The following PACC1 variants were observed in gnomAD, a reference collection of about 807,000 sequenced individuals.
The protein encoded by PACC1 is proton activated chloride channel 1.
A neutral mutation model predicts 39.7 loss-of-function variants in PACC1; 34 were observed. The ratio of observed to expected loss-of-function variants is 0.86; its 90% CI spans 0.65 to 1.14. PACC1 has a LOEUF of 1.14. Among genes scored for constraint, PACC1 ranks in the 50% most tolerant of loss-of-function variants. The pLI, the probability that PACC1 is intolerant of heterozygous loss-of-function variation, is 0.00. For synonymous variants in PACC1, 127 were observed against 160.6 expected (o/e 0.79, Z 1.58); for missense variants, 379 against 436.4 (o/e 0.87, Z 1.17).
intron 2 of PACC1, among the ~76,000 whole-genome samples, chr1:212,406,446 G>A (rs1331765187): frequency 6.6e-6 from 1 of 152,162 alleles, no homozygotes; most frequent in Non-Finnish European, 1.5e-5. Flanking sequence ...AACTCAGGAG[G>A]TGGTGGTTGC....
chr1:212,410,638 CAT>C (rs949917098), intron 1 of PACC1, 117 bp from the exon 2 acceptor site: 3 of 912,074 alleles, frequency 3.3e-6, no homozygotes, highest in African/African-American at 1.6e-5. Flanking sequence ...AACCACATGA[CAT>C]AGAGTGTGTT....
intron 2 of PACC1, among the ~76,000 whole-genome samples, chr1:212,399,134 T>C (rs980369187): frequency 2.6e-5 from 4 of 152,362 alleles, no homozygotes; most frequent in Admixed American, 2.6e-4. Flanking sequence ...AGTACCAGCT[T>C]ACTACATTCT....
At position 212,386,940 on chromosome 1, in the gene PACC1, G is replaced by A; in HGVS notation, c.294C>T (p.His98=). 6.2e-7 allele frequency: 1 copy of A among 1,614,202 alleles called. No individual in the cohort carries two copies. Among genetic ancestry groups the A allele is most frequent in the African/African-American group, 1.3e-5 (1 of 75,042 alleles). ...CCTTGTAAGACACAGACATGACAGG[G>A]TGCTTGAGTTTCTCACGAAAGTCTG... is the stretch of plus-strand genomic sequence containing the variant. The part of the protein sequence containing the change: ...TITDFREKLK[H]PVMSVSYKEV... Residue 98 remains histidine (H), a synonymous_variant, in exon 3 of 8, where the codon CAC becomes CAT. Transcript: ENST00000261455. This position sits in a 1 kb window ranked among gnomAD's most constrained non-coding sequence, Gnocchi z 5.0.
chr1:212,396,621 G>GA (rs1224799469), intron 2 of PACC1, among the ~76,000 whole-genome samples: 30 of 116,538 alleles, frequency 2.6e-4, no homozygotes, highest in East Asian at 1.7e-3. Context: ...AAAGAAATCT[G>GA]AAAAAAAAAT....
chr1:212,411,205 G>A (rs1024419426), intron 1 of PACC1, among the ~76,000 whole-genome samples: 5 of 152,196 alleles, frequency 3.3e-5, no homozygotes, highest in Non-Finnish European at 7.3e-5. Context: ...GATATGGCAG[G>A]AGTAAAATCC....
At chr1:212,404,547 C>T (rs1661836834) in intron 2 of PACC1, among the ~76,000 whole-genome samples, 4 of 151,944 alleles carry the variant, frequency 2.6e-5, no homozygotes, top group Admixed American at 2.6e-4. Context: ...CCAACCATAC[C>T]ATGCTATTCA....
chr1:212,398,402 T>C (rs1661597004), intron 2 of PACC1, among the ~76,000 whole-genome samples: 1 of 152,258 alleles, frequency 6.6e-6, no homozygotes, highest in African/African-American at 2.4e-5. Context: ...TGTAAAACTA[T>C]AAACCAGTGA....
intron 7 of PACC1, among the ~76,000 whole-genome samples, chr1:212,374,455 G>T (rs2102475137): frequency 6.6e-6 from 1 of 152,002 alleles, no homozygotes; most frequent in Admixed American, 6.6e-5. Context: ...TTGGTTAATG[G>T]GTACAAAAAT....
At chr1:212,406,876 C>T (rs532740822) in intron 2 of PACC1, among the ~76,000 whole-genome samples, 111 of 152,322 alleles carry the variant, frequency 7.3e-4, no homozygotes, top group African/African-American at 2.6e-3. Flanking sequence ...GGGCACTTCT[C>T]TATGAAAGGA....
intron 2 of PACC1, among the ~76,000 whole-genome samples, chr1:212,389,087 G>A (rs1166869154): frequency 1.3e-5 from 2 of 152,212 alleles, no homozygotes; most frequent in Non-Finnish European, 2.9e-5. Context: ...TGAAAGAGAG[G>A]CTACCCTTGA....
At chr1:212,408,934 G>A (rs530767764) in intron 2 of PACC1, among the ~76,000 whole-genome samples, 1 of 152,334 alleles carries the variant, frequency 6.6e-6, no homozygotes, top group Admixed American at 6.5e-5. Flanking sequence ...TAGGAACTGG[G>A]CCAATACAGT....
At chr1:212,366,850 G>C (rs1213421034) in intron 7 of PACC1, among the ~76,000 whole-genome samples, 1 of 152,164 alleles carries the variant, frequency 6.6e-6, no homozygotes, top group Non-Finnish European at 1.5e-5. Context: ...ATAATTAATA[G>C]TGGTAGTGGG....
At chr1:212,367,908 T>C (rs1321918397) in intron 7 of PACC1, among the ~76,000 whole-genome samples, 1 of 152,122 alleles carries the variant, frequency 6.6e-6, no homozygotes, top group Non-Finnish European at 1.5e-5. Flanking sequence ...ACTGGCTGAC[T>C]AAAGTGGCCT....
chr1:212,404,936 GT>G (rs986419657), intron 2 of PACC1, among the ~76,000 whole-genome samples: 1 of 151,850 alleles, frequency 6.6e-6, no homozygotes, highest in Non-Finnish European at 1.5e-5. Context: ...GCCCCGGCTA[GT>G]TTTTTTGGTA....
At chr1:212,404,429 C>G (rs927411542) in intron 2 of PACC1, among the ~76,000 whole-genome samples, 18 of 151,720 alleles carry the variant, frequency 1.2e-4, no homozygotes, top group African/African-American at 4.4e-4. Flanking sequence ...ATACTCCCTG[C>G]TCCCTACTAG....
chr1:212,381,687 C>T (rs1003431425), intron 4 of PACC1, among the ~76,000 whole-genome samples: 1 of 91,668 alleles, frequency 1.1e-5, no homozygotes, highest in Non-Finnish European at 2.6e-5. Context: ...GACACACACA[C>T]ACACACTGCA....
intron 2 of PACC1, among the ~76,000 whole-genome samples, chr1:212,406,622 C>T (rs1661928981): frequency 6.6e-6 from 1 of 152,192 alleles, no homozygotes; most frequent in Non-Finnish European, 1.5e-5. Context: ...CTCCTGAGAT[C>T]TGAATCTTCT....
intron 2 of PACC1, among the ~76,000 whole-genome samples, chr1:212,405,673 T>C (rs1661883250): frequency 6.6e-6 from 1 of 152,164 alleles, no homozygotes; most frequent in South Asian, 2.1e-4. Context: ...TAGGAACAAC[T>C]GAGCCAGAGT....
At chr1:212,401,744 G>A (rs1164362856) in intron 2 of PACC1, among the ~76,000 whole-genome samples, 1 of 148,390 alleles carries the variant, frequency 6.7e-6, no homozygotes, top group Non-Finnish European at 1.5e-5. Context: ...CACCATCTTG[G>A]CTCACTGCAA....
Sources: allele counts gnomAD v4.1 joint callset (sites outside exome capture counted in the v4.1 genomes callset), GRCh38; gene constraint gnomAD v4.1.1; non-coding constraint Gnocchi (gnomAD v3.1); transcripts MANE v1.5; gene names NCBI Gene and HGNC (gene_info 2026-07-23, HGNC 2026-07-21).